PMEPA1: variants seen among roughly 807,000 people sequenced by gnomAD.
PMEPA1 encodes protein TMEPAI.
Under a neutral mutation model 23.0 loss-of-function variants are expected in PMEPA1, and 11 were observed. That is an observed-to-expected ratio of 0.48 (90% CI 0.30 to 0.79). The LOEUF is 0.79. Ranked by LOEUF, PMEPA1 falls within the 30% of genes least tolerant of loss-of-function variation. PMEPA1 has a pLI of 0.06. For missense variants in PMEPA1, 377 were observed against 390.9 expected (o/e 0.96, Z 0.30); for synonymous variants, 204 against 166.4 (o/e 1.23, Z -1.74).
Position 57,658,977 on chromosome 20 carries a change from C to T in PMEPA1, c.264+566G>A, listed in dbSNP as rs577657793. Among the ~76,000 whole-genome samples the T allele has an allele frequency of 1.1e-4, 16 of 152,332 alleles. No homozygotes were observed. In the South Asian group the frequency reaches 1.4e-3, roughly 14 times the overall value. On this transcript the variant is annotated intron_variant, in intron 2 of 3. Transcript: ENST00000341744. Reference sequence around the variant, plus strand: ...CAGAATGCCTTCCTGTGCTGCCTGCCCCAGGTGCCTCCCTGCTTTCAGCCT... The same window carrying T: ...CAGAATGCCTTCCTGTGCTGCCTGCTCCAGGTGCCTCCCTGCTTTCAGCCT...
intron 1 of PMEPA1, among the ~76,000 whole-genome samples, chr20:57,673,016 G>A (rs2071590060): frequency 6.6e-6 from 1 of 152,180 alleles, no homozygotes; most frequent in African/African-American, 2.4e-5. Flanking sequence ...GCATACTTAG[G>A]TGCGCAGTAA....
At position 57,704,718 on chromosome 20, in the gene PMEPA1, C is replaced by T. The variant is rs760359918; in HGVS notation, c.109+4756G>A. On this transcript the variant is annotated intron_variant, in intron 1 of 3. Transcript: ENST00000341744. This position sits in a 1 kb window ranked among gnomAD's most constrained non-coding sequence, Gnocchi z 4.6. ...ATTTTCTGGCTTTTAAACTATTGAC[C>T]GGACTATAAACGTTTAAACCCCCTG... 1.3e-5 allele frequency among the ~76,000 whole-genome samples: 2 copies of T among 152,192 alleles called. No homozygotes were observed. The highest frequency in any genetic ancestry group is 4.8e-5 in the African/African-American group (2 of 41,452).
intron 1 of PMEPA1, among the ~76,000 whole-genome samples, chr20:57,696,860 C>T (rs2071948499): frequency 6.6e-6 from 1 of 152,198 alleles, no homozygotes. Context: ...AAAATGGAGG[C>T]CTCTGTGCAC....
rs1288366383 is a variant in PMEPA1, at chr20:57,650,747, G to T, written c.*1306C>A. ...CCTATCCTGGGAGAAACCCAGGCTT[G>T]TCACCTTTTCATGTTGGGTTGTTTA... On this transcript the variant is annotated 3_prime_UTR_variant, in exon 4 of 4. Transcript: ENST00000341744. The T allele has an allele frequency of 6.6e-6, 1 of 151,278 alleles. No individual in the cohort carries two copies. Among genetic ancestry groups the T allele is most frequent in the African/African-American group, 2.5e-5 (1 of 40,550 alleles). 9.4% of individuals were successfully genotyped at this position (151,278 alleles called of 1,614,324 possible).
rs1349051688 is a variant in PMEPA1, at chr20:57,709,637, G to C, written c.-55C>G. The C allele has an allele frequency of 5.0e-5, 48 of 964,652 alleles. No individual in the cohort carries two copies. The highest frequency in any genetic ancestry group is 5.9e-5 in the Non-Finnish European group (48 of 810,220). The allele number at this position is 964,652 out of a possible 1,614,324, so 59.8% of individuals were successfully genotyped here. A position where few individuals can be genotyped will look rare whatever the true frequency, so the allele number is the denominator to read the frequency against. On this transcript the variant is annotated 5_prime_UTR_variant, in exon 1 of 4. Coordinates refer to ENST00000341744, the MANE Select transcript of PMEPA1 (RefSeq NM_020182.5). ...GGGGGGCTCGGGGGCGGCCGGGGGGGGCTCCGGCCGGCGCCCGGAGCTGGG... is the reference window on the plus strand; with the variant it reads ...GGGGGGCTCGGGGGCGGCCGGGGGGCGCTCCGGCCGGCGCCCGGAGCTGGG...
chr20:57,659,830 A>C, intron 1 of PMEPA1, 133 bp from the exon 2 acceptor site: 1 of 791,642 alleles, frequency 1.3e-6, no homozygotes, highest in East Asian at 2.7e-5. Context: ...AGCCCCCGCC[A>C]CTCTCCCGGC....
chr20:57,710,125 G>A, upstream of PMEPA1: 2 of 812,840 alleles, frequency 2.5e-6, no homozygotes, highest in South Asian at 5.8e-5. Flanking sequence ...CGAGCCGGGG[G>A]GCGGGGTGAC....
At chr20:57,653,422 T>C (rs911381842) in intron 2 of PMEPA1, among the ~76,000 whole-genome samples, 1 of 152,156 alleles carries the variant, frequency 6.6e-6, no homozygotes, top group Admixed American at 6.5e-5. Context: ...AGGCTGAACA[T>C]GGCCTCAGCC....
chr20:57,659,493 C>T (rs200865932), intron 2 of PMEPA1, 50 bp downstream of exon 2: 131 of 1,577,564 alleles, frequency 8.3e-5, no homozygotes, highest in African/African-American at 5.8e-4. Flanking sequence ...TTACAAGGGG[C>T]GTCCCACTGC....
chr20:57,677,932 G>GA (rs1231652586), intron 1 of PMEPA1, among the ~76,000 whole-genome samples: 1 of 152,166 alleles, frequency 6.6e-6, no homozygotes, highest in African/African-American at 2.4e-5. Flanking sequence ...TACGTTAAGT[G>GA]AAAAAAGCCA....
chr20:57,693,731 G>T (rs1488762402), intron 1 of PMEPA1, among the ~76,000 whole-genome samples: 1 of 151,976 alleles, frequency 6.6e-6, no homozygotes, highest in Non-Finnish European at 1.5e-5. Context: ...ATTACAAAAA[G>T]GGAACATCGA....
chr20:57,658,558 C>A (rs2071359689), intron 2 of PMEPA1, among the ~76,000 whole-genome samples: 1 of 152,168 alleles, frequency 6.6e-6, no homozygotes, highest in South Asian at 2.1e-4. Flanking sequence ...GCTTTTATAG[C>A]CAGTAATGAC....
At position 57,656,197 on chromosome 20, in the gene PMEPA1, T is replaced by C. The variant is rs2071324322; in HGVS notation, c.265-3111A>G. On this transcript the variant is annotated intron_variant, in intron 2 of 3. Coordinates refer to ENST00000341744, the MANE Select transcript of PMEPA1 (RefSeq NM_020182.5). This position sits in a 1 kb window ranked among gnomAD's most constrained non-coding sequence, Gnocchi z 4.7. The stretch of plus-strand genomic sequence containing the variant: ...TACCTCCCATGTCCTCAGGAGATAC[T>C]GAATTCCCCCACAGCCCAGCACAAG... Among the ~76,000 whole-genome samples, 1 of 150,286 alleles carries C rather than the reference T, an allele frequency of 6.7e-6. No homozygotes were observed. Among genetic ancestry groups the C allele is most frequent in the Non-Finnish European group, 1.5e-5 (1 of 67,154 alleles).
intron 1 of PMEPA1, among the ~76,000 whole-genome samples, chr20:57,669,346 A>G (rs188075951): frequency 1.8e-4 from 27 of 152,236 alleles, no homozygotes; most frequent in African/African-American, 6.0e-4. Context: ...TTTTGAGTAC[A>G]GACGGGGTTT....
At chr20:57,666,553 T>A (rs567829199) in intron 1 of PMEPA1, among the ~76,000 whole-genome samples, 1 of 152,224 alleles carries the variant, frequency 6.6e-6, no homozygotes, top group Non-Finnish European at 1.5e-5. Flanking sequence ...GTCCTGAGTG[T>A]GATTATCCCA....
chr20:57,659,617 G>T lies in PMEPA1; in HGVS notation c.190C>A (p.His64Asn), dbSNP rs1245428628. The change falls in exon 2 of 4, where the codon CAC becomes AAC. Residue 64 changes from histidine (H) to asparagine (N), a missense_variant. By Grantham distance (68) the His-to-Asn change is moderately conservative. This residue lies in a region of PMEPA1 where 198 missense variants were observed against 196.3 expected (regional missense o/e 1.01). Transcript: ENST00000341744. ...MVVVITCLLSHYKLSARSFIS... is the reference protein window; with the variant it reads ...MVVVITCLLSNYKLSARSFIS... ...AAGGACCGTGCAGACAGCTTGTAGT[G>T]GCTCAGCAGGCACGTGATCACCACC... 12 of 1,613,150 alleles carry T rather than the reference G, an allele frequency of 7.4e-6. No individual in the cohort carries two copies. The highest frequency in any genetic ancestry group is 1.0e-5 in the Non-Finnish European group (12 of 1,179,664).
chr20:57,669,122 C>T (rs2071532674), intron 1 of PMEPA1, among the ~76,000 whole-genome samples: 1 of 150,034 alleles, frequency 6.7e-6, no homozygotes, highest in Admixed American at 6.7e-5. Flanking sequence ...CACGTAATGA[C>T]TACACTGAAT....
At chr20:57,686,018 C>T (rs1453931902) in intron 1 of PMEPA1, among the ~76,000 whole-genome samples, 3 of 152,034 alleles carry the variant, frequency 2.0e-5, no homozygotes, top group Non-Finnish European at 4.4e-5. Flanking sequence ...GGGTGTGGCC[C>T]GGGGACACAC....
chr20:57,703,883 C>T (rs2072043534), intron 1 of PMEPA1, among the ~76,000 whole-genome samples: 1 of 152,168 alleles, frequency 6.6e-6, no homozygotes, highest in African/African-American at 2.4e-5. Context: ...CACACACAGC[C>T]AGAATCTCTC....
Sources: allele counts gnomAD v4.1 joint callset (sites outside exome capture counted in the v4.1 genomes callset), GRCh38; gene constraint gnomAD v4.1.1; regional missense constraint gnomAD v4.1.1; non-coding constraint Gnocchi (gnomAD v3.1); transcripts MANE v1.5; gene names NCBI Gene and HGNC (gene_info 2026-07-23, HGNC 2026-07-21).